The following TNFRSF8 variants were observed in gnomAD, a reference collection of about 807,000 sequenced individuals.
The protein encoded by TNFRSF8 is TNF receptor superfamily member 8.
A neutral mutation model predicts 70.8 loss-of-function variants in TNFRSF8; 26 were observed. The observed-to-expected ratio is 0.37, with a 90% CI of 0.27 to 0.51. The LOEUF (loss-of-function observed/expected upper bound fraction) is 0.51. Among genes scored for constraint, TNFRSF8 ranks in the 20% least tolerant of loss-of-function variants. The pLI is 0.94. For missense variants in TNFRSF8, 720 were observed against 807.9 expected (o/e 0.89, Z 1.32); for synonymous variants, 356 against 339.2 (o/e 1.05, Z -0.54).
At chr1:12,086,146 C>T (rs148040391) in intron 2 of TNFRSF8, among the ~76,000 whole-genome samples, 2,669 of 152,200 alleles carry the variant, frequency 0.018, 251 homozygotes, top group Admixed American at 0.15. Flanking sequence ...ACTGGAGCTG[C>T]GCGGGAACCC....
intron 2 of TNFRSF8, among the ~76,000 whole-genome samples, chr1:12,085,040 A>G (rs940377243): frequency 5.3e-5 from 8 of 152,186 alleles, no homozygotes; most frequent in Non-Finnish European, 1.0e-4. Context: ...CTGGGCTGTC[A>G]ACATCCTCTG....
At chr1:12,096,278 C>G (rs937663366) in intron 2 of TNFRSF8, among the ~76,000 whole-genome samples, 18 of 152,028 alleles carry the variant, frequency 1.2e-4, no homozygotes, top group Non-Finnish European at 2.1e-4. Flanking sequence ...TTGTTTATCT[C>G]GAAATCAGGC....
Position 12,063,501 on chromosome 1 carries a change from C to A in TNFRSF8, c.-98C>A. ...TGCTGGAGCCTGAAGTCCACGCGCG[C>A]GGCTGAGAACCGCCGGGACCGCACG... On this transcript the variant is annotated 5_prime_UTR_variant, in exon 1 of 15. Coordinates refer to ENST00000263932, the MANE Select transcript of TNFRSF8 (RefSeq NM_001243.5). The surrounding 1 kb of genome is among the most constrained non-coding windows in gnomAD (Gnocchi z 7.2). The A allele has an allele frequency of 8.9e-7, 1 of 1,123,682 alleles. No homozygotes were observed. The highest frequency in any genetic ancestry group is 1.1e-6 in the Non-Finnish European group (1 of 874,528). The allele number at this position is 1,123,682 out of a possible 1,614,324, so 69.6% of individuals were successfully genotyped here.
At chr1:12,076,396 G>A (rs1006705600) in intron 1 of TNFRSF8, among the ~76,000 whole-genome samples, 20 of 152,044 alleles carry the variant, frequency 1.3e-4, no homozygotes, top group African/African-American at 4.6e-4. Context: ...TACCGTGCCC[G>A]GCCTCAGTTT....
intron 1 of TNFRSF8, among the ~76,000 whole-genome samples, chr1:12,069,562 C>T (rs955241934): frequency 2.6e-5 from 4 of 152,180 alleles, no homozygotes; most frequent in Admixed American, 6.5e-5. Flanking sequence ...TTTGGGTCCC[C>T]GGAGTCTCTC....
chr1:12,087,616 G>T (rs1428460314), intron 2 of TNFRSF8, among the ~76,000 whole-genome samples: 2 of 152,178 alleles, frequency 1.3e-5, no homozygotes, highest in African/African-American at 4.8e-5. Context: ...TTCTCTCAGG[G>T]CCCGCTTGCT....
At position 12,097,059 on chromosome 1, in the gene TNFRSF8, C is replaced by T. The variant is rs768717067; in HGVS notation, c.152-42C>T. ...GGGGCATTGGGTCATAAGGCCTTTG[C>T]TAAGTCAGCCTGGCTTGGAGCTTCT... On this transcript the variant is annotated intron_variant, in intron 2 of 14. Transcript: ENST00000263932. 3.2e-6 allele frequency: 5 copies of T among 1,557,526 alleles called. No individual in the cohort carries two copies. The South Asian group carries it at 5.6e-5, about 17-fold the overall frequency.
At position 12,088,924 on chromosome 1, in the gene TNFRSF8, T is replaced by C. The variant is rs2100974493; in HGVS notation, c.151+4373T>C. On this transcript the variant is annotated intron_variant, in intron 2 of 14. Transcript: ENST00000263932. The surrounding 1 kb of genome is among the most constrained non-coding windows in gnomAD (Gnocchi z 4.0). ...CTCTTCATCCTGGGCTTCAGCTGAGTGTGCTGGGCTCCCCTGTGCCCTCTG... is the reference window on the plus strand; with the variant it reads ...CTCTTCATCCTGGGCTTCAGCTGAGCGTGCTGGGCTCCCCTGTGCCCTCTG... Among the ~76,000 whole-genome samples the C allele has an allele frequency of 6.6e-6, 1 of 151,574 alleles. No homozygotes were observed. Among genetic ancestry groups the C allele is most frequent in the Middle Eastern group, 3.4e-3 (1 of 294 alleles).
chr1:12,137,634 G>C (rs1035348359), intron 13 of TNFRSF8, among the ~76,000 whole-genome samples: 3 of 149,050 alleles, frequency 2.0e-5, no homozygotes, highest in African/African-American at 7.4e-5. Flanking sequence ...ATATAGTATA[G>C]AGGTCACCGG....
chr1:12,084,035 G>A (rs1349694366), intron 1 of TNFRSF8, among the ~76,000 whole-genome samples: 2 of 152,188 alleles, frequency 1.3e-5, no homozygotes, highest in Non-Finnish European at 2.9e-5. Flanking sequence ...GCAGTTGGCT[G>A]TAACTTGAGA....
At chr1:12,065,865 A>T (rs969437587) in intron 1 of TNFRSF8, among the ~76,000 whole-genome samples, 5 of 152,120 alleles carry the variant, frequency 3.3e-5, no homozygotes, top group African/African-American at 1.2e-4. Flanking sequence ...CCCTATATGG[A>T]TGCTTTTGGA....
intron 12 of TNFRSF8, among the ~76,000 whole-genome samples, chr1:12,130,553 G>A (rs1050489654): frequency 9.2e-5 from 14 of 152,226 alleles, no homozygotes; most frequent in African/African-American, 3.1e-4. Context: ...CCCCCCTTGG[G>A]CCTGTTCTGC....
At chr1:12,125,211 T>C (rs1436976924) in intron 10 of TNFRSF8, among the ~76,000 whole-genome samples, 1 of 152,210 alleles carries the variant, frequency 6.6e-6, no homozygotes, top group African/African-American at 2.4e-5. Flanking sequence ...ACTAGCTCTA[T>C]GATCTCTGTA....
Position 12,126,049 on chromosome 1 carries a change from C to A in TNFRSF8, c.1252C>A (p.Gln418Lys), listed in dbSNP as rs1157032360. 6.2e-7 allele frequency: 1 copy of A among 1,614,064 alleles called. No individual in the cohort carries two copies. The change falls in exon 11 of 15, where the codon CAG becomes AAG. Residue 418 changes from glutamine (Q) to lysine (K), a missense_variant. Transcript: ENST00000263932. Reference protein sequence around the residue: ...HRRACRKRIRQKLHLCYPVQT... With the variant: ...HRRACRKRIRKKLHLCYPVQT... The stretch of plus-strand genomic sequence containing the variant: ...GAGGGCCTGCAGGAAGCGAATTCGG[C>A]AGAGTAAGTGGCTGTGTCCTTGGGG...
intron 8 of TNFRSF8, among the ~76,000 whole-genome samples, chr1:12,118,097 G>A (rs949601541): frequency 6.6e-6 from 1 of 151,800 alleles, no homozygotes; most frequent in Non-Finnish European, 1.5e-5. Flanking sequence ...GGTGGATGCA[G>A]CATAACCCTC....
In TNFRSF8 at chr1:12,142,834, C is replaced by G. The variant is rs926917329; in HGVS notation, c.*303C>G. The stretch of plus-strand genomic sequence containing the variant: ...AAACAGATGGCAGGATGGGCACTGC[C>G]GAGAACAGCATTGGTCCCAGAGCCC... On this transcript the variant is annotated 3_prime_UTR_variant, in exon 15 of 15. Coordinates refer to ENST00000263932, the MANE Select transcript of TNFRSF8 (RefSeq NM_001243.5). This position sits in a 1 kb window ranked among gnomAD's most constrained non-coding sequence, Gnocchi z 5.0. 2 of 360,032 alleles carry G rather than the reference C, an allele frequency of 5.6e-6. No homozygotes were observed. The highest frequency in any genetic ancestry group is 8.5e-5 in the Admixed American group (2 of 23,648). 22.3% of individuals were successfully genotyped at this position (360,032 alleles called of 1,614,324 possible).
In TNFRSF8 at chr1:12,112,025, C is replaced by G; in HGVS notation, c.793+11C>G. On this transcript the variant is annotated intron_variant, in intron 7 of 14. Coordinates refer to ENST00000263932, the MANE Select transcript of TNFRSF8 (RefSeq NM_001243.5). The surrounding 1 kb of genome is among the most constrained non-coding windows in gnomAD (Gnocchi z 5.3). ...TGAGCTGTTCTCGAGGTAAGGGCCTCGTCCCTCCCCGGGCCTCAGTTTACC... is the reference window on the plus strand; with the variant it reads ...TGAGCTGTTCTCGAGGTAAGGGCCTGGTCCCTCCCCGGGCCTCAGTTTACC... 1.2e-6 allele frequency: 2 copies of G among 1,603,396 alleles called. No individual in the cohort carries two copies. Among genetic ancestry groups the G allele is most frequent in the Non-Finnish European group, 8.5e-7 (1 of 1,170,882 alleles).
At position 12,094,916 on chromosome 1, in the gene TNFRSF8, G is replaced by T. The variant is rs146745338; in HGVS notation, c.152-2185G>T. Reference sequence around the variant, plus strand: ...GCTGGGATTACAGGTTTGACCCACCGCACCCGGCTCGAAGCTAGTATTTTT... The same window carrying T: ...GCTGGGATTACAGGTTTGACCCACCTCACCCGGCTCGAAGCTAGTATTTTT... On this transcript the variant is annotated intron_variant, in intron 2 of 14. Coordinates refer to ENST00000263932, the MANE Select transcript of TNFRSF8 (RefSeq NM_001243.5). Among the ~76,000 whole-genome samples the T allele has an allele frequency of 2.0e-5, 3 of 152,164 alleles. No individual in the cohort carries two copies. In the East Asian group the frequency reaches 5.8e-4, roughly 29 times the overall value.
Position 12,084,505 on chromosome 1 carries a change from C to T in TNFRSF8, c.105C>T (p.His35=). The T allele has an allele frequency of 3.1e-6, 5 of 1,614,010 alleles. No individual in the cohort carries two copies. The highest frequency in any genetic ancestry group is 4.2e-6 in the Non-Finnish European group (5 of 1,179,984). ...ACACCTGTCATGGAAACCCCAGCCA[C>T]TACTATGACAAGGCTGTCAGGAGGT... ...FEDTCHGNPS[H]YYDKAVRRCC... The change falls in exon 2 of 15, where the codon CAC becomes CAT. Residue 35 remains histidine (H), a synonymous_variant. Transcript: ENST00000263932.
Sources: gnomAD v4.1 joint callset for allele counts (sites outside exome capture counted in the v4.1 genomes callset) on GRCh38, gnomAD v4.1.1 for gene constraint, Gnocchi (gnomAD v3.1) non-coding constraint, MANE v1.5 for transcripts, NCBI Gene and HGNC (gene_info 2026-07-23, HGNC 2026-07-21) for gene names.